TRAPPC9: variants seen among roughly 807,000 people sequenced by gnomAD.
TRAPPC9 encodes trafficking protein particle complex subunit 9.
TRAPPC9 carries 83 observed loss-of-function variants against 124.0 expected under a neutral mutation model. The ratio of observed to expected loss-of-function variants is 0.67; its 90% CI spans 0.56 to 0.80. The LOEUF is 0.80. Ranked by LOEUF, TRAPPC9 falls within the 30% of genes least tolerant of loss-of-function variation. The pLI, the probability that TRAPPC9 is intolerant of heterozygous loss-of-function variation, is 0.00. For missense variants in TRAPPC9, 1,302 were observed against 1,508.3 expected (o/e 0.86, Z 2.27); for synonymous variants, 638 against 617.5 (o/e 1.03, Z -0.49).
At chr8:140,298,653 AAG>A (rs2065879199) in intron 11 of TRAPPC9, among the ~76,000 whole-genome samples, 4 of 135,620 alleles carry the variant, frequency 2.9e-5, no homozygotes, top group African/African-American at 1.1e-4. Flanking sequence ...CCCTGTCTCA[AAG>A]AAAAAAAAAA....
chr8:140,428,911 G>A (rs532245890), intron 4 of TRAPPC9, among the ~76,000 whole-genome samples: 7 of 152,116 alleles, frequency 4.6e-5, no homozygotes, highest in Admixed American at 3.3e-4. Context: ...AAATGCCAGC[G>A]CTGCATAACT....
At chr8:139,757,199 G>T (rs66477636) in intron 21 of TRAPPC9, among the ~76,000 whole-genome samples, 32,560 of 102,520 alleles carry the variant, frequency 0.32, 6,500 homozygotes, top group Non-Finnish European at 0.43. Flanking sequence ...CAGGGTGCAG[G>T]AGGAGCCAGG....
In TRAPPC9 at chr8:140,346,939, G is replaced by C. The variant is rs79036823; in HGVS notation, c.1495+13111C>G. On this transcript the variant is annotated intron_variant, in intron 9 of 22. Coordinates refer to ENST00000438773, the MANE Select transcript of TRAPPC9 (RefSeq NM_001160372.4). Reference sequence around the variant, plus strand: ...ATGACACTTCCCAGCCCCTCGCTGTGAAGCTGAGTCAGCACATGGAGTGAT... The same window carrying C: ...ATGACACTTCCCAGCCCCTCGCTGTCAAGCTGAGTCAGCACATGGAGTGAT... Among the ~76,000 whole-genome samples, 940 of 152,048 alleles carry C rather than the reference G, an allele frequency of 6.2e-3. 3 individuals carry two copies. Among genetic ancestry groups the C allele is most frequent in the African/African-American group, 0.021 (874 of 41,306 alleles).
intron 16 of TRAPPC9, among the ~76,000 whole-genome samples, chr8:140,223,443 C>T (rs1169900322): frequency 1.3e-5 from 2 of 152,112 alleles, no homozygotes; most frequent in Admixed American, 6.6e-5. Context: ...GATGGGTAGA[C>T]GGGTGGCAAG....
At chr8:139,734,492 G>T (rs766825909) in intron 21 of TRAPPC9, among the ~76,000 whole-genome samples, 3 of 152,196 alleles carry the variant, frequency 2.0e-5, no homozygotes, top group Non-Finnish European at 4.4e-5. Context: ...GAACAGTGAG[G>T]CAGATGAAAT....
chr8:139,965,168 G>A (rs1438988737), intron 19 of TRAPPC9, among the ~76,000 whole-genome samples: 2 of 152,186 alleles, frequency 1.3e-5, no homozygotes, highest in Non-Finnish European at 2.9e-5. Flanking sequence ...CAAGGATGAC[G>A]GCCCATTCAT....
rs59675753 is a variant in TRAPPC9 at position 139,947,924 on chromosome 8, C to CGAGAGAGAGAGAGAGA, written c.2811-37640_2811-37625dup. On this transcript the variant is annotated intron_variant, in intron 19 of 22. Transcript: ENST00000438773. ...TATATATATAGAGAGAGAGAGAGAG[C>CGAGAGAGAGAGAGAGA]GAGAGAGAGAGAGAGAGAGAGTATA... Among the ~76,000 whole-genome samples the CGAGAGAGAGAGAGAGA allele has an allele frequency of 5.9e-3, 493 of 83,472 alleles. 40 individuals carry two copies. Among genetic ancestry groups the CGAGAGAGAGAGAGAGA allele is most frequent in the African/African-American group, 0.024 (466 of 19,662 alleles). 54.8% of individuals were successfully genotyped at this position (83,472 alleles called of 152,430 possible). A position where few individuals can be genotyped will look rare whatever the true frequency, so the allele number is the denominator to read the frequency against.
chr8:139,890,234 C>T (rs965656724), intron 20 of TRAPPC9, among the ~76,000 whole-genome samples: 6 of 152,248 alleles, frequency 3.9e-5, no homozygotes, highest in African/African-American at 9.6e-5. Flanking sequence ...GGTCCCTTCC[C>T]AAGCCCTAAG....
At chr8:140,337,704 T>C (rs774709869) in intron 9 of TRAPPC9, among the ~76,000 whole-genome samples, 2 of 152,164 alleles carry the variant, frequency 1.3e-5, no homozygotes, top group Non-Finnish European at 2.9e-5. Flanking sequence ...AGGTGTCAGA[T>C]GGGCACGTGA....
chr8:140,250,947 T>C (rs1338736751), intron 16 of TRAPPC9, among the ~76,000 whole-genome samples: 2 of 152,178 alleles, frequency 1.3e-5, no homozygotes, highest in African/African-American at 2.4e-5. Context: ...TTTTGCTCAA[T>C]TTTTCTCTCT....
chr8:140,349,475 C>T (rs1263309115), intron 9 of TRAPPC9, among the ~76,000 whole-genome samples: 5 of 151,986 alleles, frequency 3.3e-5, no homozygotes, highest in African/African-American at 4.8e-5. Flanking sequence ...CCGAAGGGGG[C>T]GCGCGAGGGA....
chr8:140,018,324 A>ATTTTTTTTT lies in TRAPPC9; in HGVS notation c.2699+5604_2699+5612dup, dbSNP rs1554608008. Among the ~76,000 whole-genome samples the ATTTTTTTTT allele has an allele frequency of 6.7e-5, 8 of 119,778 alleles. 2 individuals are homozygous for ATTTTTTTTT. The highest frequency in any genetic ancestry group is 9.8e-5 in the African/African-American group (3 of 30,668). The allele number at this position is 119,778 out of a possible 152,430, so 78.6% of individuals were successfully genotyped here. ...TTGCTGGTATATAGAAACGTAAGTGATTTTTTTTTTTTTTTTTGAGACGGA... is the reference window on the plus strand; with the variant it reads ...TTGCTGGTATATAGAAACGTAAGTGATTTTTTTTTTTTTTTTTTTTTTTTTTGAGACGGA... On this transcript the variant is annotated intron_variant, in intron 18 of 22. Coordinates refer to ENST00000438773, the MANE Select transcript of TRAPPC9 (RefSeq NM_001160372.4).
At chr8:140,368,696 C>T (rs921499962) in intron 8 of TRAPPC9, among the ~76,000 whole-genome samples, 10 of 152,054 alleles carry the variant, frequency 6.6e-5, no homozygotes, top group African/African-American at 1.4e-4. Context: ...TAAAGTGCTG[C>T]GTACACTCCA....
chr8:139,920,120 C>A (rs12676265), intron 19 of TRAPPC9, among the ~76,000 whole-genome samples: 106 of 152,246 alleles, frequency 7.0e-4, no homozygotes, highest in African/African-American at 2.4e-3. Flanking sequence ...CTAAGCCGGG[C>A]GGATCACTTG....
intron 17 of TRAPPC9, among the ~76,000 whole-genome samples, chr8:140,169,570 C>T (rs368035019): frequency 2.6e-5 from 4 of 152,104 alleles, no homozygotes; most frequent in South Asian, 2.1e-4. Context: ...AAGGGCAGTA[C>T]GATGACATAT....
intron 21 of TRAPPC9, among the ~76,000 whole-genome samples, chr8:139,738,876 C>T (rs945287517): frequency 6.6e-6 from 1 of 152,044 alleles, no homozygotes; most frequent in Non-Finnish European, 1.5e-5. Flanking sequence ...CTCTGAGCCT[C>T]GGTTTCCTCA....
At position 139,873,826 on chromosome 8, in the gene TRAPPC9, C is replaced by T. The variant is rs190370818; in HGVS notation, c.3055+12053G>A. 3.0e-3 allele frequency among the ~76,000 whole-genome samples: 452 copies of T among 152,352 alleles called. 5 individuals carry two copies. Among genetic ancestry groups the T allele is most frequent in the Admixed American group, 2.4e-3 (36 of 15,312 alleles). ...GGCTCAGAAAGATGTAGCCCTGGCT[C>T]TAGGATCAGAACCCCTAGTCCACCT... On this transcript the variant is annotated intron_variant, in intron 21 of 22. Coordinates refer to ENST00000438773, the MANE Select transcript of TRAPPC9 (RefSeq NM_001160372.4).
chr8:139,784,883 C>G (rs978825433), intron 21 of TRAPPC9, among the ~76,000 whole-genome samples: 1 of 151,852 alleles, frequency 6.6e-6, no homozygotes, highest in Admixed American at 6.6e-5. Flanking sequence ...CAGTTCTCCC[C>G]AGATTGATCT....
At chr8:139,980,711 G>A (rs766045941) in intron 19 of TRAPPC9, among the ~76,000 whole-genome samples, 4 of 152,212 alleles carry the variant, frequency 2.6e-5, no homozygotes, top group Admixed American at 6.5e-5. Context: ...AGCTCGGGGC[G>A]GAGTTGAGGC....
Sources: gnomAD v4.1 joint callset for allele counts (sites outside exome capture counted in the v4.1 genomes callset) on GRCh38, gnomAD v4.1.1 for gene constraint, MANE v1.5 for transcripts, NCBI Gene and HGNC (gene_info 2026-07-23, HGNC 2026-07-21) for gene names.